Variants in EYA1 observed in about 807,000 individuals in gnomAD.
EYA1 encodes EYA transcriptional coactivator and phosphatase 1, also known as protein phosphatase EYA1.
EYA1 carries 16 observed loss-of-function variants against 82.0 expected under a neutral mutation model. The observed-to-expected ratio is 0.20, with a 90% CI of 0.13 to 0.30. The LOEUF is 0.30. Among genes scored for constraint, EYA1 ranks in the 10% least tolerant of loss-of-function variants. The pLI, the probability that EYA1 is intolerant of heterozygous loss-of-function variation, is 1.00. For missense variants in EYA1, 633 were observed against 730.7 expected (o/e 0.87, Z 1.54); for synonymous variants, 261 against 264.4 (o/e 0.99, Z 0.12).
intron 2 of EYA1, among the ~76,000 whole-genome samples, chr8:71,457,680 A>G (rs1018574979): frequency 6.6e-6 from 1 of 152,178 alleles, no homozygotes; most frequent in African/African-American, 2.4e-5. Flanking sequence ...CAAACACCGC[A>G]TGTTCTCACT....
chr8:71,219,901 A>G (rs1180198768), intron 12 of EYA1, among the ~76,000 whole-genome samples: 2 of 152,124 alleles, frequency 1.3e-5, no homozygotes, highest in Non-Finnish European at 1.5e-5. Context: ...CTAAGAGCCA[A>G]ATTTTAGGTT....
At chr8:71,199,601 G>T (rs1053666032) in intron 17 of EYA1, among the ~76,000 whole-genome samples, 181 bp from the exon 18 acceptor site, 1 of 152,204 alleles carries the variant, frequency 6.6e-6, no homozygotes, top group Non-Finnish European at 1.5e-5. Flanking sequence ...TAAGAATACT[G>T]GACTGAGTTG....
At chr8:71,281,628 T>C (rs1342769340) in intron 9 of EYA1, among the ~76,000 whole-genome samples, 1 of 152,236 alleles carries the variant, frequency 6.6e-6, no homozygotes, top group East Asian at 1.9e-4. Flanking sequence ...CTTGCATCAC[T>C]GGGGTTTGAT....
rs1327896479 is a variant in EYA1 at position 71,470,308 on chromosome 8, C to A, written c.33+65436G>T. On this transcript the variant is annotated intron_variant, in intron 2 of 18. Transcript: ENST00000643681. Reference sequence around the variant, plus strand: ...CTGGCTTTTACTTTAACCTCTGAGGCTTAGGGCAAGTCTGTATTTATTTAC... The same window carrying A: ...CTGGCTTTTACTTTAACCTCTGAGGATTAGGGCAAGTCTGTATTTATTTAC... Among the ~76,000 whole-genome samples, 4 of 152,030 alleles carry A rather than the reference C, an allele frequency of 2.6e-5. No homozygotes were observed. The East Asian group carries it at 7.7e-4, about 29-fold the overall frequency.
At chr8:71,460,668 A>G (rs1808296743) in intron 2 of EYA1, among the ~76,000 whole-genome samples, 1 of 152,236 alleles carries the variant, frequency 6.6e-6, no homozygotes, top group Admixed American at 6.5e-5. Flanking sequence ...AAGTGTTTCA[A>G]AAAGTGCACA....
chr8:71,361,350 T>C (rs1310582583), intron 1 of EYA1, among the ~76,000 whole-genome samples: 2 of 152,226 alleles, frequency 1.3e-5, no homozygotes, highest in Non-Finnish European at 2.9e-5. Flanking sequence ...AAGAATATGG[T>C]CCTGCATTAC....
chr8:71,204,330 G>C (rs190294192), intron 17 of EYA1: 1 of 152,234 alleles, frequency 6.6e-6, no homozygotes, highest in East Asian at 1.9e-4. Context: ...CATATAAAAA[G>C]CTGGGTATGT....
At chr8:71,249,964 T>C (rs935310233) in intron 11 of EYA1, among the ~76,000 whole-genome samples, 3 of 152,102 alleles carry the variant, frequency 2.0e-5, no homozygotes, top group Non-Finnish European at 4.4e-5. Flanking sequence ...ATTGAATCAA[T>C]TTCAACACTC....
At chr8:71,318,301 C>T (rs1038503435) in intron 6 of EYA1, among the ~76,000 whole-genome samples, 2 of 152,132 alleles carry the variant, frequency 1.3e-5, no homozygotes, top group African/African-American at 4.8e-5. Flanking sequence ...ACAAAGGAAG[C>T]AGAACACTAA....
At chr8:71,291,938 T>G (rs1221375252) in intron 9 of EYA1, among the ~76,000 whole-genome samples, 1 of 152,128 alleles carries the variant, frequency 6.6e-6, no homozygotes, top group Admixed American at 6.5e-5. Flanking sequence ...TTATGAGATA[T>G]TCTAAGAGAT....
intron 2 of EYA1, among the ~76,000 whole-genome samples, chr8:71,455,858 G>A (rs1343219760): frequency 1.3e-5 from 2 of 152,172 alleles, no homozygotes; most frequent in Admixed American, 6.5e-5. Flanking sequence ...AGACAGGGAT[G>A]CCCTGTCTCA....
At chr8:71,362,155 C>G, upstream of EYA1, 1 of 821,526 alleles carries the variant, frequency 1.2e-6, no homozygotes, top group Non-Finnish European at 1.4e-6. Flanking sequence ...TCGGGGCTTT[C>G]TTTTTTTTTT....
chr8:71,455,324 G>C (rs1183843899), intron 2 of EYA1, among the ~76,000 whole-genome samples: 2 of 152,102 alleles, frequency 1.3e-5, no homozygotes, highest in African/African-American at 4.8e-5. Context: ...AATTCTACCA[G>C]AGGTACAAGG....
chr8:71,474,220 T>C (rs144869899), intron 2 of EYA1, among the ~76,000 whole-genome samples: 1,487 of 134,936 alleles, frequency 0.011, 16 homozygotes, highest in Non-Finnish European at 0.018. Context: ...AAAAAGAAGA[T>C]GAAGAAGAAA....
intron 9 of EYA1, among the ~76,000 whole-genome samples, chr8:71,294,471 C>CA (rs137990057): frequency 1.3e-5 from 2 of 150,342 alleles, no homozygotes; most frequent in Non-Finnish European, 3.0e-5. Flanking sequence ...AACAAACAAA[C>CA]AAAAAAAACA....
intron 2 of EYA1, among the ~76,000 whole-genome samples, chr8:71,509,242 AAATAAAT>A (rs1812422826): frequency 6.6e-6 from 1 of 152,278 alleles, no homozygotes; most frequent in East Asian, 1.9e-4. Flanking sequence ...ATAAATAAAT[AAATAAAT>A]AATTATTTTG....
chr8:71,463,906 A>T (rs1808594599), intron 2 of EYA1, among the ~76,000 whole-genome samples: 1 of 151,566 alleles, frequency 6.6e-6, no homozygotes, highest in Non-Finnish European at 1.5e-5. Flanking sequence ...TCGCCTTCAC[A>T]TTTTCTTTAG....
chr8:71,511,149 A>G (rs1019008469), intron 2 of EYA1, among the ~76,000 whole-genome samples: 1 of 151,718 alleles, frequency 6.6e-6, no homozygotes, highest in Non-Finnish European at 1.5e-5. Context: ...AATGGTGCTA[A>G]AAAAAAATAA....
intron 4 of EYA1, among the ~76,000 whole-genome samples, chr8:71,324,138 T>C (rs1402350111): frequency 2.0e-5 from 3 of 152,204 alleles, no homozygotes; most frequent in African/African-American, 7.2e-5. Context: ...TCATGAAAAG[T>C]TCATAAACTC....
Sources: allele counts gnomAD v4.1 joint callset (sites outside exome capture counted in the v4.1 genomes callset), GRCh38; gene constraint gnomAD v4.1.1; transcripts MANE v1.5; gene names NCBI Gene and HGNC (gene_info 2026-07-23, HGNC 2026-07-21).